ZNF730: variants seen among roughly 807,000 people sequenced by gnomAD.
ZNF730 encodes zinc finger protein 730, also known as putative zinc finger protein 730.
A neutral mutation model predicts 12.6 loss-of-function variants in ZNF730; 12 were observed. That is an observed-to-expected ratio of 0.95 (90% confidence interval 0.61 to 1.54). The LOEUF (loss-of-function observed/expected upper bound fraction) is 1.54, where lower values mean the gene tolerates loss of function less well. ZNF730 is among the 40% of genes most tolerant of loss of function. ZNF730 has a pLI of 0.00. For synonymous variants in ZNF730, 194 were observed against 195.8 expected, an observed-to-expected ratio of 0.99 and a Z score of 0.08; for missense variants, 643 against 583.5, an observed-to-expected ratio of 1.10 and a Z score of -1.05.
chr19:23,135,551 C>G (rs925088285), intron 2 of ZNF730, among the ~76,000 whole-genome samples: 2 of 151,948 alleles, frequency 1.3e-5, no homozygotes, highest in African/African-American at 4.8e-5. Flanking sequence ...CATTCTGTCA[C>G]CCAGGCTGGA....
intron 1 of ZNF730, among the ~76,000 whole-genome samples, chr19:23,082,054 C>G (rs111607592): frequency 6.2e-4 from 95 of 152,290 alleles, no homozygotes; most frequent in African/African-American, 2.3e-3. Flanking sequence ...ACTTTGCTAA[C>G]TATTTTGTAA....
Position 23,106,433 on chromosome 19 carries a change from AC to A in ZNF730, c.-93-27646del, listed in dbSNP as rs569342403. Among the ~76,000 whole-genome samples, 288 of 152,282 alleles carry A rather than the reference AC, an allele frequency of 1.9e-3. 2 individuals are homozygous for A. Among genetic ancestry groups the A allele is most frequent in the African/African-American group, 6.6e-3 (275 of 41,564 alleles). ...ACATTGATTTGGAGTATATTTAGATACAATGTAGAAAATTTTAAAAGGAGCT... is the reference window on the plus strand; with the variant it reads ...ACATTGATTTGGAGTATATTTAGATAAATGTAGAAAATTTTAAAAGGAGCT... On this transcript the variant is annotated intron_variant, in intron 1 of 2. Transcript: ENST00000593635.
intron 1 of ZNF730, among the ~76,000 whole-genome samples, chr19:23,133,155 C>T (rs56663310): frequency 0.013 from 2,002 of 152,120 alleles, 50 homozygotes; most frequent in African/African-American, 0.046. Context: ...AATCTGGCAG[C>T]TGCCCTTCTT....
rs1442765059 is a variant in ZNF730, at chr19:23,146,799, A to G, written c.*243A>G. Reference sequence around the variant, plus strand: ...ACATAAGATAATTCATACTGGAGAGAAACCCTACAAGTGTGAAGAATGTGA... The same window carrying G: ...ACATAAGATAATTCATACTGGAGAGGAACCCTACAAGTGTGAAGAATGTGA... On this transcript the variant is annotated 3_prime_UTR_variant, in exon 4 of 4. Transcript: ENST00000597761. The G allele has an allele frequency of 2.1e-6, 2 of 937,736 alleles. No homozygotes were observed. The highest frequency in any genetic ancestry group is 3.5e-6 in the Non-Finnish European group (2 of 568,770). The allele number at this position is 937,736 out of a possible 1,614,324, so 58.1% of individuals were successfully genotyped here. A position where few individuals can be genotyped will look rare whatever the true frequency, so the allele number is the denominator to read the frequency against.
intron 1 of ZNF730, 126 bp from the exon 2 acceptor site, chr19:23,133,953 AT>A (rs1970781420): frequency 9.4e-7 from 1 of 1,064,858 alleles, no homozygotes; most frequent in Admixed American, 2.7e-5. Context: ...GTTGAAGGTT[AT>A]TAGATAATTT....
intron 1 of ZNF730, among the ~76,000 whole-genome samples, chr19:23,102,625 A>G (rs1970348643): frequency 6.6e-6 from 1 of 151,876 alleles, no homozygotes; most frequent in Non-Finnish European, 1.5e-5. Flanking sequence ...CCTCCCAAGT[A>G]GCTGGGATTA....
At chr19:23,106,129 A>T (rs1970389789) in intron 1 of ZNF730, among the ~76,000 whole-genome samples, 1 of 151,708 alleles carries the variant, frequency 6.6e-6, no homozygotes, top group Non-Finnish European at 1.5e-5. Context: ...AGACCTTCCT[A>T]AAAAAAAGAA....
At chr19:23,096,307 G>A (rs911754706) in intron 1 of ZNF730, among the ~76,000 whole-genome samples, 6 of 152,076 alleles carry the variant, frequency 3.9e-5, no homozygotes, top group Admixed American at 2.0e-4. Flanking sequence ...ACCTAGGTGA[G>A]GTGACTCCTC....
In ZNF730 at chr19:23,085,826, ATTTTTTTTTCTTT is replaced by A. The variant is rs1260910855; in HGVS notation, c.-94+10449_-94+10461del. Among the ~76,000 whole-genome samples the A allele has an allele frequency of 3.2e-3, 233 of 72,544 alleles. 4 individuals are homozygous for A. Among genetic ancestry groups the A allele is most frequent in the African/African-American group, 0.013 (221 of 16,758 alleles). The allele number at this position is 72,544 out of a possible 152,430, so 47.6% of individuals were successfully genotyped here. On this transcript the variant is annotated intron_variant, in intron 1 of 2. Coordinates refer to the ZNF730 transcript ENST00000593635. ...ACCGCACCCAGACCTATTTCACCCA[ATTTTTTTTTCTTT>A]TTTTTTTTTTTTTTTTTTTTTTTTG...
intron 1 of ZNF730, among the ~76,000 whole-genome samples, chr19:23,087,978 T>C (rs1334438450): frequency 6.6e-6 from 1 of 151,964 alleles, no homozygotes; most frequent in Non-Finnish European, 1.5e-5. Context: ...TTATGTTGAA[T>C]AGGAGTGATG....
intron 1 of ZNF730, chr19:23,126,959 T>C: frequency 1.9e-6 from 1 of 513,236 alleles, no homozygotes; most frequent in South Asian, 1.5e-5. Flanking sequence ...CTCATGCTTC[T>C]ATTTTTCTTG....
chr19:23,104,352 C>G (rs922042060), intron 1 of ZNF730, among the ~76,000 whole-genome samples: 1 of 148,668 alleles, frequency 6.7e-6, no homozygotes, highest in Non-Finnish European at 1.5e-5. Flanking sequence ...CTAAAATGTT[C>G]ACAAATATCA....
rs149680569 is a variant in ZNF730, at chr19:23,140,895, T to C, written c.227-4376T>C. Reference sequence around the variant, plus strand: ...TCAACCCAGGAGGCAGAGGTTGCAGTGAGCCTAGATTTTGCCACTACACTC... The same window carrying C: ...TCAACCCAGGAGGCAGAGGTTGCAGCGAGCCTAGATTTTGCCACTACACTC... On this transcript the variant is annotated intron_variant, in intron 3 of 3. Transcript: ENST00000597761. 8.2e-3 allele frequency among the ~76,000 whole-genome samples: 1,229 copies of C among 150,248 alleles called. 24 individuals are homozygous for C. The highest frequency in any genetic ancestry group is 0.029 in the African/African-American group (1,175 of 40,858).
chr19:23,118,562 A>T (rs1970561458), intron 1 of ZNF730, among the ~76,000 whole-genome samples: 1 of 152,152 alleles, frequency 6.6e-6, no homozygotes, highest in Non-Finnish European at 1.5e-5. Flanking sequence ...TATGAAGTGT[A>T]GTCTCTCAAG....
chr19:23,084,672 C>T (rs990965480), intron 1 of ZNF730, among the ~76,000 whole-genome samples: 1 of 152,160 alleles, frequency 6.6e-6, no homozygotes, highest in Non-Finnish European at 1.5e-5. Context: ...TCCATGTGTT[C>T]TCATTATTTA....
At chr19:23,079,155 A>G (rs1322143745) in intron 1 of ZNF730, among the ~76,000 whole-genome samples, 1 of 151,510 alleles carries the variant, frequency 6.6e-6, no homozygotes, top group African/African-American at 2.4e-5. Context: ...TTATGACACA[A>G]TTTTTTCTAG....
chr19:23,096,769 C>T (rs1169751944), intron 1 of ZNF730, among the ~76,000 whole-genome samples: 1 of 152,172 alleles, frequency 6.6e-6, no homozygotes. Flanking sequence ...ATGGATTGGG[C>T]TTTGGCCAAG....
chr19:23,129,851 G>A (rs750421192), intron 1 of ZNF730, among the ~76,000 whole-genome samples: 16 of 151,786 alleles, frequency 1.1e-4, no homozygotes, highest in Admixed American at 3.3e-4. Flanking sequence ...AAAATTAGCC[G>A]GATGTGGTGG....
intron 2 of ZNF730, among the ~76,000 whole-genome samples, chr19:23,135,721 C>G (rs1339108086): frequency 6.6e-6 from 1 of 152,080 alleles, no homozygotes; most frequent in African/African-American, 2.4e-5. Context: ...CTATGTTGGC[C>G]AGGCTGGTCT....
Sources: allele counts gnomAD v4.1 joint callset (sites outside exome capture counted in the v4.1 genomes callset), GRCh38; gene constraint gnomAD v4.1.1; transcripts MANE v1.5; gene names NCBI Gene and HGNC (gene_info 2026-07-23, HGNC 2026-07-21).